GDI2: variants seen among roughly 807,000 people sequenced by gnomAD.
GDI2 encodes GDP dissociation inhibitor 2.
In GDI2, 22 loss-of-function variants were observed where a neutral mutation model predicts 54.2. That is an observed-to-expected ratio of 0.41 (90% confidence interval 0.29 to 0.58). The LOEUF is 0.58. Among genes scored for constraint, GDI2 ranks in the 20% least tolerant of loss-of-function variants. The probability of loss-of-function intolerance (pLI) is 0.35; values close to 1 mark genes in which losing one functional copy is unlikely to be tolerated. For synonymous variants in GDI2, 177 were observed against 182.1 expected (o/e 0.97, Z 0.23); for missense variants, 422 against 546.0 (o/e 0.77, Z 2.26).
At chr10:5,802,444 C>CA (rs1231810655) in intron 1 of GDI2, among the ~76,000 whole-genome samples, 1 of 151,806 alleles carries the variant, frequency 6.6e-6, no homozygotes, top group African/African-American at 2.4e-5. Flanking sequence ...ACTAAAAATA[C>CA]AAAACTTAGC....
At chr10:5,799,198 G>A (rs1208956780) in intron 2 of GDI2, among the ~76,000 whole-genome samples, 1 of 151,866 alleles carries the variant, frequency 6.6e-6, no homozygotes, top group Non-Finnish European at 1.5e-5. Context: ...AATAAGCCAG[G>A]CAGGTGGTAT....
chr10:5,766,464 T>C lies in GDI2; in HGVS notation c.1136+30A>G. 1 of 1,611,708 alleles carries C rather than the reference T, an allele frequency of 6.2e-7. No homozygotes were observed. Among genetic ancestry groups the C allele is most frequent in the Non-Finnish European group, 8.5e-7 (1 of 1,178,938 alleles). ...CCACAATCAAAGGCCTCAGTTTGCA[T>C]CTCGGCAGATATAAAAGAACACAAC... On this transcript the variant is annotated intron_variant, in intron 9 of 10. Transcript: ENST00000380191. This position sits in a 1 kb window ranked among gnomAD's most constrained non-coding sequence, Gnocchi z 5.8.
At chr10:5,779,020 AAAAC>A (rs1231789622) in intron 6 of GDI2, among the ~76,000 whole-genome samples, 2 of 152,226 alleles carry the variant, frequency 1.3e-5, no homozygotes, top group Non-Finnish European at 2.9e-5. Context: ...AGAAAACAGA[AAAAC>A]AAACAACAGA....
intron 7 of GDI2, among the ~76,000 whole-genome samples, chr10:5,773,155 C>CT (rs1453914023): frequency 6.6e-6 from 1 of 151,896 alleles, no homozygotes; most frequent in Non-Finnish European, 1.5e-5. Context: ...CTGAAGATGC[C>CT]CCCCACCCCA....
intron 6 of GDI2, 48 bp downstream of exon 6, chr10:5,785,094 T>C (rs773322020): frequency 2.2e-6 from 3 of 1,386,442 alleles, no homozygotes; most frequent in African/African-American, 2.9e-5. Context: ...ACACATTATG[T>C]TGAAGATGAG....
intron 3 of GDI2, among the ~76,000 whole-genome samples, chr10:5,795,570 A>T (rs1227437590): frequency 6.6e-6 from 1 of 152,244 alleles, no homozygotes; most frequent in Non-Finnish European, 1.5e-5. Flanking sequence ...TTAAAGGTTA[A>T]TAATTCTATC....
intron 6 of GDI2, among the ~76,000 whole-genome samples, chr10:5,783,277 C>T (rs1236906292): frequency 6.6e-6 from 1 of 151,580 alleles, no homozygotes; most frequent in African/African-American, 2.4e-5. Flanking sequence ...TACTTCTGCT[C>T]GCTTCTGGTG....
At chr10:5,794,353 G>A (rs1417697220) in intron 4 of GDI2, among the ~76,000 whole-genome samples, 1 of 150,740 alleles carries the variant, frequency 6.6e-6, no homozygotes, top group Non-Finnish European at 1.5e-5. Flanking sequence ...TATAGCGTAG[G>A]GTAAGCTTAG....
Position 5,785,266 on chromosome 10 carries a change from C to A in GDI2, c.595G>T (p.Asp199Tyr). 1 of 1,592,988 alleles carries A rather than the reference C, an allele frequency of 6.3e-7. No individual in the cohort carries two copies. The highest frequency in any genetic ancestry group is 1.1e-5 in the South Asian group (1 of 89,418). ...TTAATGGTTTCATAACACGGTTGAT[C>A]TAAGTAACTGGAAGAAAGGAAATGA... Reference protein sequence around the residue: ...LALYRTDDYLDQPCYETINRI... With the variant: ...LALYRTDDYLYQPCYETINRI... Residue 199 changes from aspartate (D) to tyrosine (Y), a missense_variant, in exon 6 of 11, where the codon GAT (aspartate) becomes TAT (tyrosine). Coordinates refer to ENST00000380191, the MANE Select transcript of GDI2 (RefSeq NM_001494.4).
At chr10:5,783,702 T>C (rs1176785705) in intron 6 of GDI2, among the ~76,000 whole-genome samples, 2 of 152,204 alleles carry the variant, frequency 1.3e-5, no homozygotes, top group Non-Finnish European at 2.9e-5. Flanking sequence ...TTCCTTCATT[T>C]ATGAAGCTCT....
chr10:5,770,136 A>G (rs917218810), intron 7 of GDI2, among the ~76,000 whole-genome samples: 3 of 152,250 alleles, frequency 2.0e-5, no homozygotes, highest in African/African-American at 7.2e-5. Flanking sequence ...AAGAAGGCAA[A>G]TACTATATTA....
At chr10:5,795,252 C>T (rs1392814717) in intron 3 of GDI2, among the ~76,000 whole-genome samples, 1 of 152,102 alleles carries the variant, frequency 6.6e-6, no homozygotes, top group Non-Finnish European at 1.5e-5. Flanking sequence ...GCCTGACGCT[C>T]CTGAGTACCT....
In GDI2 at chr10:5,794,172, G is replaced by GAA. The variant is rs1256206663; in HGVS notation, c.388+711_388+712dup. ...ACAGAGCGAGACTCTGTCTTTAAAA[G>GAA]AAAAAAAAAAAAAAAAATATATATA... is the stretch of plus-strand genomic sequence containing the variant. On this transcript the variant is annotated intron_variant, in intron 4 of 10. Transcript: ENST00000380191. 2.4e-3 allele frequency among the ~76,000 whole-genome samples: 67 copies of GAA among 27,940 alleles called. 5 individuals carry two copies. Among genetic ancestry groups the GAA allele is most frequent in the Middle Eastern group, 0.022 (1 of 46 alleles). 18.3% of individuals were successfully genotyped at this position (27,940 alleles called of 152,430 possible).
chr10:5,807,074 A>G (rs560549709), intron 1 of GDI2, among the ~76,000 whole-genome samples: 6 of 152,218 alleles, frequency 3.9e-5, no homozygotes, highest in Non-Finnish European at 8.8e-5. Flanking sequence ...AAGCTAATAA[A>G]AAATCTGCAG....
Position 5,813,225 on chromosome 10 carries a change from TG to T in GDI2, c.33del (p.Thr12ProfsTer3). The T allele has an allele frequency of 6.3e-7, 1 of 1,589,822 alleles. No individual in the cohort carries two copies. Among genetic ancestry groups the T allele is most frequent in the Non-Finnish European group, 8.5e-7 (1 of 1,170,644 alleles). The part of the protein sequence containing the change: MNEEYDVIVL[G>X]TGLTECILSG... Reference sequence around the variant, plus strand: ...GCCCTGGCGCCCACCGTCAGGCCGGTGCCCAGCACGATCACGTCGTACTCCT... The same window carrying T: ...GCCCTGGCGCCCACCGTCAGGCCGGTCCCAGCACGATCACGTCGTACTCCT... On this transcript the variant is annotated frameshift_variant, in exon 1 of 11. Coordinates refer to ENST00000380191, the MANE Select transcript of GDI2 (RefSeq NM_001494.4). LOFTEE classifies it high-confidence loss of function.
At chr10:5,798,543 C>T (rs990245111) in intron 2 of GDI2, among the ~76,000 whole-genome samples, 9 of 149,766 alleles carry the variant, frequency 6.0e-5, no homozygotes, top group African/African-American at 1.2e-4. Context: ...GAGCTAAGAT[C>T]GTGCCACTGC....
At chr10:5,777,662 T>G (rs1409009021) in intron 6 of GDI2, among the ~76,000 whole-genome samples, 1 of 152,108 alleles carries the variant, frequency 6.6e-6, no homozygotes. Context: ...TGTGGAGAAA[T>G]AGGAATACTT....
At chr10:5,787,204 A>T (rs948197516) in intron 4 of GDI2, among the ~76,000 whole-genome samples, 4 of 152,150 alleles carry the variant, frequency 2.6e-5, no homozygotes, top group African/African-American at 9.7e-5. Flanking sequence ...CAAAACTGAA[A>T]ATTAAAACCA....
At position 5,776,343 on chromosome 10, in the gene GDI2, G is replaced by A; in HGVS notation, c.720-2402C>T. 1 of 653,732 alleles carries A rather than the reference G, an allele frequency of 1.5e-6. No individual in the cohort carries two copies. The allele number at this position is 653,732 out of a possible 1,614,324, so 40.5% of individuals were successfully genotyped here. A position where few individuals can be genotyped will look rare whatever the true frequency, so the allele number is the denominator to read the frequency against. On this transcript the variant is annotated intron_variant, in intron 6 of 10. Coordinates refer to ENST00000380191, the MANE Select transcript of GDI2 (RefSeq NM_001494.4). This position sits in a 1 kb window ranked among gnomAD's most constrained non-coding sequence, Gnocchi z 5.3. ...CCCATCTCACAAACCCTCTGCTGAG[G>A]ATGCAGAGAGCCAGAGCCCCCTTTC... is the stretch of plus-strand genomic sequence containing the variant.
Sources: allele counts gnomAD v4.1 joint callset (sites outside exome capture counted in the v4.1 genomes callset), GRCh38; gene constraint gnomAD v4.1.1; non-coding constraint Gnocchi (gnomAD v3.1); transcripts MANE v1.5; gene names NCBI Gene and HGNC (gene_info 2026-07-23, HGNC 2026-07-21).